Variants in HDAC11 observed in about 807,000 individuals in gnomAD.
The protein encoded by HDAC11 is histone deacetylase 11.
Under a neutral mutation model 41.1 loss-of-function variants are expected in HDAC11, and 23 were observed. The ratio of observed to expected loss-of-function variants is 0.56; its 90% CI spans 0.40 to 0.79. The LOEUF (loss-of-function observed/expected upper bound fraction) is 0.79. HDAC11 is among the 30% of genes least tolerant of loss of function. The pLI, the probability that HDAC11 is intolerant of heterozygous loss-of-function variation, is 0.00. For missense variants in HDAC11, 402 were observed against 477.3 expected, an observed-to-expected ratio of 0.84 and a Z score of 1.47; for synonymous variants, 187 against 186.6, an observed-to-expected ratio of 1.00 and a Z score of -0.02.
At chr3:13,498,582 T>C in intron 5 of HDAC11, 27 bp downstream of exon 5, 1 of 1,587,018 alleles carries the variant, frequency 6.3e-7, no homozygotes, top group Non-Finnish European at 8.6e-7. Flanking sequence ...TCCTCGGGAA[T>C]GTCCAGCCCG....
At chr3:13,495,950 G>T (rs113771305) in intron 3 of HDAC11, among the ~76,000 whole-genome samples, 1 of 152,224 alleles carries the variant, frequency 6.6e-6, no homozygotes, top group South Asian at 2.1e-4. Flanking sequence ...GGGCCCTCCA[G>T]TGCCCACCTG....
At chr3:13,503,996 G>C in intron 8 of HDAC11, 98 bp from the exon 9 acceptor site, 1 of 1,162,484 alleles carries the variant, frequency 8.6e-7, no homozygotes. Context: ...TGCTGAATCT[G>C]ACAGACCAGT....
intron 6 of HDAC11, 134 bp downstream of exon 6, chr3:13,500,923 G>A (rs1201108251): frequency 3.0e-6 from 2 of 657,120 alleles, no homozygotes; most frequent in Admixed American, 3.5e-5. Context: ...GCTTGTTTGG[G>A]TTGCTCAGCC....
At position 13,486,430 on chromosome 3, in the gene HDAC11, CCAAGAGCATTTT is replaced by C. The variant is rs144247285; in HGVS notation, c.252+2867_252+2878del. Among the ~76,000 whole-genome samples, 1,444 of 151,804 alleles carry C rather than the reference CCAAGAGCATTTT, an allele frequency of 9.5e-3. 25 individuals carry two copies. Among genetic ancestry groups the C allele is most frequent in the African/African-American group, 0.033 (1,367 of 41,336 alleles). ...AGATTAAAATTAAGGAAGCAACCAC[CCAAGAGCATTTT>C]AGAGAGCACCAAGGGCTATGAAGAA... On this transcript the variant is annotated intron_variant, in intron 3 of 9. Coordinates refer to ENST00000295757, the MANE Select transcript of HDAC11 (RefSeq NM_024827.4).
rs59531656 is a variant in HDAC11 at position 13,490,744 on chromosome 3, C to CTTTTTTTTTT, written c.253-5975_253-5966dup. 2.2e-3 allele frequency among the ~76,000 whole-genome samples: 91 copies of CTTTTTTTTTT among 41,454 alleles called. 3 individuals carry two copies. Among genetic ancestry groups the CTTTTTTTTTT allele is most frequent in the Admixed American group, 3.4e-3 (8 of 2,380 alleles). The allele number at this position is 41,454 out of a possible 152,430, so 27.2% of individuals were successfully genotyped here. A position where few individuals can be genotyped will look rare whatever the true frequency, so the allele number is the denominator to read the frequency against. On this transcript the variant is annotated intron_variant, in intron 3 of 9. Coordinates refer to ENST00000295757, the MANE Select transcript of HDAC11 (RefSeq NM_024827.4). ...TGAATTTGTTTCTTAGCATTTTTTTCTTTTTTTTTTTTTTTTTTTTTTTTT... is the reference window on the plus strand; with the variant it reads ...TGAATTTGTTTCTTAGCATTTTTTTCTTTTTTTTTTTTTTTTTTTTTTTTTTTTTTTTTTT...
At chr3:13,498,474 G>T in intron 4 of HDAC11, 39 bp from the exon 5 acceptor site, 2 of 1,613,364 alleles carry the variant, frequency 1.2e-6, no homozygotes, top group Non-Finnish European at 1.7e-6. Flanking sequence ...CTGGTGGATC[G>T]GCTGCCTGCG....
Position 13,501,857 on chromosome 3 carries a change from C to T in HDAC11, c.490-14C>T. 1.9e-6 allele frequency: 3 copies of T among 1,613,606 alleles called. No individual in the cohort carries two copies. The highest frequency in any genetic ancestry group is 2.5e-6 in the Non-Finnish European group (3 of 1,179,578). ...CGCCCCAGATCCTCATGTCTACCCT[C>T]TCCTCCCTGGCAGTTTCTGTTTGAG... On this transcript the variant is annotated splice_polypyrimidine_tract_variant and intron_variant, in intron 6 of 9. Coordinates refer to ENST00000295757, the MANE Select transcript of HDAC11 (RefSeq NM_024827.4).
chr3:13,481,191 G>A (rs1195284678), intron 1 of HDAC11, 55 bp from the exon 2 acceptor site: 1 of 1,570,120 alleles, frequency 6.4e-7, no homozygotes, highest in Non-Finnish European at 8.6e-7. Flanking sequence ...TCGGGAGGGA[G>A]CTGCTTTCTG....
In HDAC11 at chr3:13,480,351, T is replaced by C; in HGVS notation, c.2+2T>C. ...CTTTGGGAGGGCCGGCCCCGGGATG[T>C]GAGTGCCGCGGGGCGAGGGCGGGGG... On this transcript the variant is annotated splice_donor_variant, in intron 1 of 9. Transcript: ENST00000295757. LOFTEE classifies it high-confidence loss of function. The surrounding 1 kb of genome is among the most constrained non-coding windows in gnomAD (Gnocchi z 4.6). 1 of 1,216,156 alleles carries C rather than the reference T, an allele frequency of 8.2e-7. No individual in the cohort carries two copies. The highest frequency in any genetic ancestry group is 1.0e-6 in the Non-Finnish European group (1 of 977,980). 75.3% of individuals were successfully genotyped at this position (1,216,156 alleles called of 1,614,324 possible).
At chr3:13,487,122 G>A (rs1001392154) in intron 3 of HDAC11, among the ~76,000 whole-genome samples, 4 of 152,182 alleles carry the variant, frequency 2.6e-5, no homozygotes, top group African/African-American at 9.7e-5. Context: ...GTTTTCAGCA[G>A]GAGGGTGATA....
chr3:13,504,657 C>T lies in HDAC11; in HGVS notation c.1018C>T (p.Pro340Ser), dbSNP rs1263677758. Residue 340 changes from proline to serine, a missense_variant, in exon 10 of 10, where the codon CCG (proline) becomes TCG (serine). Coordinates refer to ENST00000295757, the MANE Select transcript of HDAC11 (RefSeq NM_024827.4). The stretch of plus-strand genomic sequence containing the variant: ...CGTCTCCGCACAGAACTCAGACACA[C>T]CGCTGCTTCCCCCTGCAGTGCCCTG... ...PSVSAQNSDT[P>S]LLPPAVP The T allele has an allele frequency of 6.2e-7, 1 of 1,613,776 alleles. No homozygotes were observed. The highest frequency in any genetic ancestry group is 1.7e-5 in the Admixed American group (1 of 60,034).
In HDAC11 at chr3:13,481,380, T is replaced by G. The variant is rs756855465; in HGVS notation, c.137T>G (p.Ile46Ser). 1 of 1,614,044 alleles carries G rather than the reference T, an allele frequency of 6.2e-7. No individual in the cohort carries two copies. The change falls in exon 2 of 10, where the codon ATC (isoleucine) becomes AGC (serine). Residue 46 changes from isoleucine to serine, a missense_variant. Coordinates refer to ENST00000295757, the MANE Select transcript of HDAC11 (RefSeq NM_024827.4). ...PFDAGKWGKV[I>S]NFLKEEKLLS... is the part of the protein sequence containing the mutation. ...GATGCCGGAAAATGGGGCAAAGTGA[T>G]CAATTTCCTAAAAGGTATGGAAGGT... is the stretch of plus-strand genomic sequence containing the variant.
chr3:13,489,685 G>A (rs1701757083), intron 3 of HDAC11, among the ~76,000 whole-genome samples: 2 of 152,070 alleles, frequency 1.3e-5, no homozygotes, highest in South Asian at 2.1e-4. Context: ...TCCCATCTCA[G>A]CCTCCCAGGT....
intron 3 of HDAC11, among the ~76,000 whole-genome samples, chr3:13,490,886 G>A (rs563512516): frequency 1.3e-5 from 2 of 151,486 alleles, no homozygotes; most frequent in South Asian, 4.2e-4. Flanking sequence ...AAGTAGCTGG[G>A]ACTGCAGGTG....
chr3:13,500,656 C>G, intron 5 of HDAC11, 57 bp from the exon 6 acceptor site: 2 of 1,410,910 alleles, frequency 1.4e-6, no homozygotes, highest in Non-Finnish European at 2.0e-6. Flanking sequence ...TGGAGGAGCT[C>G]CTGGACTGAG....
In HDAC11 at chr3:13,490,959, C is replaced by A. The variant is rs1701830346; in HGVS notation, c.253-5777C>A. ...AGAGATGGGGTTTCGCCATGTTGGC[C>A]AGTGTGGTCTCGATCTCTTGACCTC... On this transcript the variant is annotated intron_variant, in intron 3 of 9. Coordinates refer to ENST00000295757, the MANE Select transcript of HDAC11 (RefSeq NM_024827.4). Among the ~76,000 whole-genome samples, 3 of 151,674 alleles carry A rather than the reference C, an allele frequency of 2.0e-5. No individual in the cohort carries two copies. The South Asian group carries it at 6.3e-4, about 32-fold the overall frequency.
At chr3:13,484,072 C>G (rs1307216040) in intron 3 of HDAC11, among the ~76,000 whole-genome samples, 2 of 152,148 alleles carry the variant, frequency 1.3e-5, no homozygotes, top group Middle Eastern at 3.2e-3. Flanking sequence ...ATTATCCTGT[C>G]TCACCCTCCT....
At chr3:13,484,322 TG>T in intron 3 of HDAC11, among the ~76,000 whole-genome samples, 1 of 152,328 alleles carries the variant, frequency 6.6e-6, no homozygotes, top group East Asian at 1.9e-4. Flanking sequence ...GCTGAAGTTT[TG>T]TTGAAAATTG....
rs1233219414 is a variant in HDAC11, at chr3:13,505,968, GC to G, written c.*1290del. 6.6e-6 allele frequency: 1 copy of G among 152,232 alleles called. No individual in the cohort carries two copies. The highest frequency in any genetic ancestry group is 6.5e-5 in the Admixed American group (1 of 15,290). 9.4% of individuals were successfully genotyped at this position (152,232 alleles called of 1,614,324 possible). ...CCATTGAGGTGGCCCTGCTCCATCA[GC>G]CCCCTACGGGACTTGTGTTCATTAC... On this transcript the variant is annotated 3_prime_UTR_variant, in exon 10 of 10. Coordinates refer to ENST00000295757, the MANE Select transcript of HDAC11 (RefSeq NM_024827.4).
Sources: allele counts gnomAD v4.1 joint callset (sites outside exome capture counted in the v4.1 genomes callset), GRCh38; gene constraint gnomAD v4.1.1; non-coding constraint Gnocchi (gnomAD v3.1); transcripts MANE v1.5; gene names NCBI Gene and HGNC (gene_info 2026-07-23, HGNC 2026-07-21).